PSD3: variants seen among roughly 807,000 people sequenced by gnomAD.
PSD3 encodes PH and SEC7 domain-containing protein 3.
A neutral mutation model predicts 105.5 loss-of-function variants in PSD3; 49 were observed. The ratio of observed to expected loss-of-function variants is 0.46; its 90% CI spans 0.37 to 0.59. The LOEUF (loss-of-function observed/expected upper bound fraction) is 0.59. Among genes scored for constraint, PSD3 ranks in the 20% least tolerant of loss-of-function variants. The probability of loss-of-function intolerance (pLI) is 0.00; values close to 1 mark genes in which losing one functional copy is unlikely to be tolerated. For synonymous variants in PSD3, 557 were observed against 457.8 expected (o/e 1.22, Z -2.77); for missense variants, 1,561 against 1,263.8 (o/e 1.24, Z -3.57).
At chr8:18,731,152 A>T (rs899800046) in intron 9 of PSD3, among the ~76,000 whole-genome samples, 21 of 152,124 alleles carry the variant, frequency 1.4e-4, no homozygotes, top group Admixed American at 4.6e-4. Flanking sequence ...GCTACTCGGG[A>T]GCCTGAGGCA....
intron 1 of PSD3, among the ~76,000 whole-genome samples, chr8:18,981,363 T>C (rs181617797): frequency 2.6e-5 from 4 of 152,178 alleles, no homozygotes; most frequent in African/African-American, 9.6e-5. Context: ...ATTTAAAGAG[T>C]GCAGGCTCCA....
At chr8:18,548,006 T>A (rs1370665626) in intron 15 of PSD3, among the ~76,000 whole-genome samples, 3 of 152,188 alleles carry the variant, frequency 2.0e-5, no homozygotes, top group Non-Finnish European at 2.9e-5. Context: ...TTCTTTTTCC[T>A]TTTTTCCCCC....
At chr8:19,068,234 A>AT (rs1341657128) in intron 1 of PSD3, among the ~76,000 whole-genome samples, 1 of 131,478 alleles carries the variant, frequency 7.6e-6, no homozygotes, top group Non-Finnish European at 1.8e-5. Flanking sequence ...AAGGCTGAGG[A>AT]TTTTAAAAAA....
chr8:18,690,876 A>G (rs954073347), intron 9 of PSD3, among the ~76,000 whole-genome samples: 11 of 152,138 alleles, frequency 7.2e-5, no homozygotes, highest in African/African-American at 2.4e-5. Context: ...ACCCATCTCA[A>G]TTGGACATAA....
At chr8:18,591,785 G>C (rs1017166369) in intron 12 of PSD3, among the ~76,000 whole-genome samples, 1 of 152,154 alleles carries the variant, frequency 6.6e-6, no homozygotes, top group African/African-American at 2.4e-5. Flanking sequence ...CATACACTTG[G>C]TGGCTGCTTA....
intron 8 of PSD3, among the ~76,000 whole-genome samples, chr8:18,791,590 T>C (rs1586008595): frequency 6.6e-6 from 1 of 152,152 alleles, no homozygotes; most frequent in South Asian, 2.1e-4. Flanking sequence ...AAGATGGATT[T>C]AAGACTTAAA....
chr8:18,572,443 T>G (rs571333587), intron 14 of PSD3, 85 bp downstream of exon 14: 10 of 1,506,062 alleles, frequency 6.6e-6, no homozygotes, highest in Middle Eastern at 1.9e-4. Flanking sequence ...CCCCAAAACA[T>G]GGACTACTAT....
At chr8:18,725,123 A>G (rs1205334866) in intron 9 of PSD3, among the ~76,000 whole-genome samples, 1 of 152,196 alleles carries the variant, frequency 6.6e-6, no homozygotes, top group African/African-American at 2.4e-5. Flanking sequence ...TTGGCTCCCC[A>G]TCATATTTCC....
At chr8:19,051,564 C>A (rs1408178121) in intron 1 of PSD3, among the ~76,000 whole-genome samples, 1 of 152,170 alleles carries the variant, frequency 6.6e-6, no homozygotes, top group African/African-American at 2.4e-5. Context: ...CCTTTCTATT[C>A]TTTCTGCTCC....
At chr8:18,882,463 A>T (rs942010898) in intron 2 of PSD3, among the ~76,000 whole-genome samples, 6 of 152,122 alleles carry the variant, frequency 3.9e-5, no homozygotes, top group African/African-American at 1.4e-4. Flanking sequence ...AACAAACAAG[A>T]GCAACTTGGC....
rs182085653 is a variant in PSD3, at chr8:18,582,778, T to C, written c.2482-7493A>G. Among the ~76,000 whole-genome samples, 204 of 151,022 alleles carry C rather than the reference T, an allele frequency of 1.4e-3. 1 individual carries two copies. The highest frequency in any genetic ancestry group is 0.011 in the Admixed American group (173 of 15,194). On this transcript the variant is annotated intron_variant, in intron 12 of 15. Coordinates refer to ENST00000327040, the MANE Select transcript of PSD3 (RefSeq NM_015310.4). ...TGGTCTCTGTGTCTTTGATAGAACC[T>C]GTTTCCAAGTCATTCTCCAACCTGC...
At chr8:18,844,916 G>C (rs553773525) in intron 4 of PSD3, among the ~76,000 whole-genome samples, 10 of 152,164 alleles carry the variant, frequency 6.6e-5, no homozygotes, top group African/African-American at 2.4e-4. Flanking sequence ...TACAAAGCTG[G>C]TTACAATGAT....
At chr8:18,670,288 T>C (rs2130909391) in intron 9 of PSD3, among the ~76,000 whole-genome samples, 1 of 152,252 alleles carries the variant, frequency 6.6e-6, no homozygotes, top group East Asian at 1.9e-4. Context: ...TGGGCCCAGC[T>C]GTGGTGTGAG....
intron 2 of PSD3, among the ~76,000 whole-genome samples, chr8:18,890,601 C>G (rs537242647): frequency 6.6e-6 from 1 of 152,122 alleles, no homozygotes; most frequent in Non-Finnish European, 1.5e-5. Context: ...CCGGTAAGCT[C>G]GTTGGGAAAC....
intron 1 of PSD3, among the ~76,000 whole-genome samples, chr8:18,981,192 T>C (rs1195334843): frequency 3.9e-5 from 6 of 152,104 alleles, no homozygotes; most frequent in African/African-American, 7.2e-5. Flanking sequence ...CACCACATAA[T>C]GGATACTCAA....
At chr8:19,035,356 A>G (rs1240285105) in intron 1 of PSD3, among the ~76,000 whole-genome samples, 1 of 152,212 alleles carries the variant, frequency 6.6e-6, no homozygotes, top group East Asian at 1.9e-4. Flanking sequence ...AGTTGTTGGT[A>G]AAGCACTATG....
intron 4 of PSD3, among the ~76,000 whole-genome samples, chr8:18,861,691 C>G (rs1469249415): frequency 6.6e-6 from 1 of 152,090 alleles, no homozygotes; most frequent in African/African-American, 2.4e-5. Flanking sequence ...TTCTTTTTAC[C>G]AGGCTATTTC....
chr8:18,712,493 T>C (rs1419872768), intron 9 of PSD3, among the ~76,000 whole-genome samples: 1 of 152,160 alleles, frequency 6.6e-6, no homozygotes, highest in Non-Finnish European at 1.5e-5. Context: ...CATAAACACC[T>C]GTATGCAAAT....
At chr8:18,747,812 A>T (rs1011033366) in intron 9 of PSD3, among the ~76,000 whole-genome samples, 3 of 151,880 alleles carry the variant, frequency 2.0e-5, no homozygotes, top group Non-Finnish European at 4.4e-5. Flanking sequence ...TATCAAAGTG[A>T]GTAAAAAAAA....
Sources: gnomAD v4.1 joint callset for allele counts (sites outside exome capture counted in the v4.1 genomes callset) on GRCh38, gnomAD v4.1.1 for gene constraint, MANE v1.5 for transcripts, NCBI Gene and HGNC (gene_info 2026-07-23, HGNC 2026-07-21) for gene names.